NPAS3: variants seen among roughly 807,000 people sequenced by gnomAD.
The protein encoded by NPAS3 is neuronal PAS domain protein 3.
Under a neutral mutation model 73.1 loss-of-function variants are expected in NPAS3, and 14 were observed. That is an observed-to-expected ratio of 0.19 (90% CI 0.13 to 0.30). The LOEUF is 0.30. Ranked by LOEUF, NPAS3 falls within the 10% of genes least tolerant of loss-of-function variation. The probability of loss-of-function intolerance (pLI) is 1.00; values close to 1 mark genes in which losing one functional copy is unlikely to be tolerated. For missense variants in NPAS3, 1,096 were observed against 1,250.0 expected, an observed-to-expected ratio of 0.88 and a Z score of 1.86; for synonymous variants, 620 against 541.5, an observed-to-expected ratio of 1.14 and a Z score of -2.01.
intron 6 of NPAS3, among the ~76,000 whole-genome samples, chr14:33,683,427 C>A (rs1322056037): frequency 0.011 from 869 of 77,006 alleles, no homozygotes; most frequent in South Asian, 0.017. Flanking sequence ...TTCCTCATTT[C>A]AAAAAAAAAA....
chr14:33,604,208 T>C (rs1433064629), intron 5 of NPAS3, among the ~76,000 whole-genome samples: 2 of 152,134 alleles, frequency 1.3e-5, no homozygotes, highest in South Asian at 2.1e-4. Flanking sequence ...GAAACTCAAC[T>C]TAAAAAGCAG....
chr14:33,751,533 A>G (rs929265564), intron 7 of NPAS3, among the ~76,000 whole-genome samples: 1 of 152,172 alleles, frequency 6.6e-6, no homozygotes, highest in African/African-American at 2.4e-5. Flanking sequence ...CACTGCATAG[A>G]CCTCAATCAC....
chr14:33,612,869 G>A (rs1595277292), intron 5 of NPAS3, among the ~76,000 whole-genome samples: 1 of 152,134 alleles, frequency 6.6e-6, no homozygotes. Context: ...GGAATCACTA[G>A]AGAAAGTACC....
intron 2 of NPAS3, among the ~76,000 whole-genome samples, chr14:33,207,324 CTAA>C (rs1295898336): frequency 6.6e-6 from 1 of 151,392 alleles, no homozygotes; most frequent in East Asian, 1.9e-4. Context: ...ATGCAGTTGC[CTAA>C]TGAGTCCATA....
chr14:33,190,782 G>T (rs575065248), intron 2 of NPAS3, among the ~76,000 whole-genome samples: 4 of 152,224 alleles, frequency 2.6e-5, no homozygotes, highest in South Asian at 2.1e-4. Context: ...CTGCCAACAT[G>T]ATATGTGTCG....
exon 5 of NPAS3, chr14:33,560,147 A>G (rs747207552): frequency 1.1e-6 from 1 of 869,680 alleles, no homozygotes; most frequent in Non-Finnish European, 2.0e-6. Flanking sequence ...TATTTGCACT[A>G]AATCAGGAAG....
intron 4 of NPAS3, among the ~76,000 whole-genome samples, chr14:33,453,969 C>T (rs1466396342): frequency 2.0e-5 from 3 of 152,222 alleles, no homozygotes; most frequent in Admixed American, 6.5e-5. Context: ...GGAACACAGG[C>T]GTGAGCCACC....
At chr14:33,272,274 C>T (rs2041126256) in intron 3 of NPAS3, among the ~76,000 whole-genome samples, 1 of 152,200 alleles carries the variant, frequency 6.6e-6, no homozygotes, top group Non-Finnish European at 1.5e-5. Context: ...CCTTCTTGAT[C>T]ACAGTACTCA....
In NPAS3 at chr14:32,962,574, T is replaced by C. The variant is rs146660400; in HGVS notation, c.50+23208T>C. Among the ~76,000 whole-genome samples, 476 of 139,788 alleles carry C rather than the reference T, an allele frequency of 3.4e-3. 1 individual carries two copies. Among genetic ancestry groups the C allele is most frequent in the African/African-American group, 0.011 (423 of 37,252 alleles). The allele number at this position is 139,788 out of a possible 152,430, so 91.7% of individuals were successfully genotyped here. On this transcript the variant is annotated intron_variant, in intron 1 of 11. Transcript: ENST00000356141. ...CTTTCTTTCTTTTTTCTTTTCTTTTTTTTTTTTTTTTTTTTGAGACTGGGT... is the reference window on the plus strand; with the variant it reads ...CTTTCTTTCTTTTTTCTTTTCTTTTCTTTTTTTTTTTTTTTGAGACTGGGT...
At chr14:33,549,801 G>A (rs1368240299) in intron 4 of NPAS3, among the ~76,000 whole-genome samples, 3 of 151,852 alleles carry the variant, frequency 2.0e-5, no homozygotes, top group Non-Finnish European at 4.4e-5. Context: ...TCATTCCCAT[G>A]ATTCCTGTTA....
rs576055281 is a variant in NPAS3, at chr14:33,299,521, T to C, written c.386-67665T>C. Among the ~76,000 whole-genome samples, 3 of 152,218 alleles carry C rather than the reference T, an allele frequency of 2.0e-5. No homozygotes were observed. The South Asian group carries it at 6.2e-4, about 32-fold the overall frequency. ...CCACCAAGTAGAAAGAGCTGGGAGA[T>C]GGAGGGAATCCAGATCTTGCAGACA... On this transcript the variant is annotated intron_variant, in intron 3 of 11. Transcript: ENST00000356141.
intron 2 of NPAS3, among the ~76,000 whole-genome samples, chr14:33,091,803 A>G (rs2042233950): frequency 6.6e-6 from 1 of 152,196 alleles, no homozygotes; most frequent in Non-Finnish European, 1.5e-5. Context: ...CGTGGGATTC[A>G]AGGCTGGTTC....
intron 2 of NPAS3, among the ~76,000 whole-genome samples, chr14:33,170,416 TGTG>T (rs2045346830): frequency 6.6e-6 from 1 of 152,188 alleles, no homozygotes; most frequent in African/African-American, 2.4e-5. Context: ...TGGCTGATCA[TGTG>T]GTGGTTGCTG....
chr14:33,773,501 C>A (rs1043375070), intron 7 of NPAS3, among the ~76,000 whole-genome samples: 1 of 152,186 alleles, frequency 6.6e-6, no homozygotes, highest in African/African-American at 2.4e-5. Context: ...ATTTTGTTTC[C>A]CCAGAGCATC....
chr14:33,290,792 C>A (rs890636853), intron 3 of NPAS3, among the ~76,000 whole-genome samples: 3 of 152,218 alleles, frequency 2.0e-5, no homozygotes, highest in Non-Finnish European at 4.4e-5. Flanking sequence ...TTTGTGGGAA[C>A]TTGATATTTC....
intron 5 of NPAS3, among the ~76,000 whole-genome samples, chr14:33,637,972 A>G (rs2058570230): frequency 6.6e-6 from 1 of 152,162 alleles, no homozygotes. Flanking sequence ...TCTCCTATGA[A>G]GTGATCTTTC....
intron 4 of NPAS3, among the ~76,000 whole-genome samples, chr14:33,494,091 T>C (rs558414721): frequency 3.1e-4 from 47 of 152,220 alleles, no homozygotes; most frequent in African/African-American, 9.1e-4. Flanking sequence ...CACAGTAGTG[T>C]CCTACATACA....
intron 1 of NPAS3, among the ~76,000 whole-genome samples, chr14:33,006,292 G>A (rs1282110008): frequency 6.6e-6 from 1 of 152,182 alleles, no homozygotes; most frequent in African/African-American, 2.4e-5. Context: ...ACATTTTGAG[G>A]GGAAAGTGGG....
exon 12 of NPAS3, chr14:33,799,995 G>C (rs376070569): frequency 6.2e-7 from 1 of 1,613,108 alleles, no homozygotes; most frequent in African/African-American, 1.3e-5. Context: ...TACGTGGAGA[G>C]CGAGTCGGAC....
Sources: allele counts gnomAD v4.1 joint callset (sites outside exome capture counted in the v4.1 genomes callset), GRCh38; gene constraint gnomAD v4.1.1; transcripts MANE v1.5; gene names NCBI Gene and HGNC (gene_info 2026-07-23, HGNC 2026-07-21).